Variants in TRPC6 observed in about 807,000 individuals in gnomAD.
TRPC6 encodes short transient receptor potential channel 6.
A neutral mutation model predicts 90.7 loss-of-function variants in TRPC6; 55 were observed. That is an observed-to-expected ratio of 0.61 (90% CI 0.49 to 0.76). The LOEUF (loss-of-function observed/expected upper bound fraction) is 0.76. Among genes scored for constraint, TRPC6 ranks in the 30% least tolerant of loss-of-function variants. The probability of loss-of-function intolerance (pLI) is 0.00; values close to 1 mark genes in which losing one functional copy is unlikely to be tolerated. For synonymous variants in TRPC6, 393 were observed against 393.0 expected (o/e 1.00, Z 0.00); for missense variants, 989 against 1,122.7 (o/e 0.88, Z 1.70).
At chr11:101,500,909 T>C (rs572779236) in intron 2 of TRPC6, among the ~76,000 whole-genome samples, 1 of 152,262 alleles carries the variant, frequency 6.6e-6, no homozygotes, top group South Asian at 2.1e-4. Flanking sequence ...CCTTTGCATA[T>C]ATCTGAAGGA....
intron 4 of TRPC6, among the ~76,000 whole-genome samples, chr11:101,485,119 C>T (rs1434909672): frequency 9.7e-6 from 1 of 103,616 alleles, no homozygotes; most frequent in African/African-American, 4.2e-5. Context: ...TACAGAGGGC[C>T]AAAGAATACA....
chr11:101,515,562 TGAAAA>T (rs930959985), intron 1 of TRPC6, among the ~76,000 whole-genome samples: 1 of 152,000 alleles, frequency 6.6e-6, no homozygotes, highest in Non-Finnish European at 1.5e-5. Flanking sequence ...AAAAGCAACA[TGAAAA>T]GAAAAACGAA....
intron 1 of TRPC6, among the ~76,000 whole-genome samples, chr11:101,517,436 T>A (rs923806215): frequency 1.3e-5 from 2 of 152,256 alleles, no homozygotes; most frequent in African/African-American, 4.8e-5. Flanking sequence ...TTTATTCCTA[T>A]GCTAGTAAAT....
intron 10 of TRPC6, among the ~76,000 whole-genome samples, chr11:101,462,474 C>G (rs1251341554): frequency 6.6e-6 from 1 of 152,180 alleles, no homozygotes; most frequent in Non-Finnish European, 1.5e-5. Flanking sequence ...TTTAAGTCGT[C>G]TCTTATTTCC....
At chr11:101,509,274 T>A (rs911301331) in intron 1 of TRPC6, among the ~76,000 whole-genome samples, 11 of 151,782 alleles carry the variant, frequency 7.2e-5, no homozygotes, top group Non-Finnish European at 1.5e-4. Flanking sequence ...AATTTTTGTA[T>A]TTTTTTTATA....
chr11:101,578,958 T>TATTAAATTAA (rs1862131461), intron 1 of TRPC6, among the ~76,000 whole-genome samples: 1 of 152,162 alleles, frequency 6.6e-6, no homozygotes. Context: ...ATTTAAATGA[T>TATTAAATTAA]ATGTTTAAAT....
chr11:101,568,553 C>T (rs1164917964), intron 1 of TRPC6, among the ~76,000 whole-genome samples: 1 of 152,062 alleles, frequency 6.6e-6, no homozygotes, highest in African/African-American at 2.4e-5. Flanking sequence ...CACCAAGACA[C>T]ATAATCGTCA....
intron 1 of TRPC6, among the ~76,000 whole-genome samples, chr11:101,540,388 T>C (rs7112388): frequency 0.057 from 8,729 of 152,328 alleles, 565 homozygotes; most frequent in African/African-American, 0.16. Flanking sequence ...TTTTAATTTT[T>C]CTTAAAGACA....
chr11:101,456,069 A>C (rs994252350), intron 10 of TRPC6, among the ~76,000 whole-genome samples: 1 of 152,150 alleles, frequency 6.6e-6, no homozygotes, highest in Non-Finnish European at 1.5e-5. Flanking sequence ...CACTCTAAAA[A>C]TTTTAGTGTC....
rs1240648316 is a variant in TRPC6 at position 101,464,698 on chromosome 11, A to T, written c.2484+4729T>A. The stretch of plus-strand genomic sequence containing the variant: ...GCCTATGTGTGTCTTTGCATGTGAG[A>T]TGGGTCTCCTGAATACAGCATGCTG... On this transcript the variant is annotated intron_variant, in intron 10 of 12. Transcript: ENST00000344327. Among the ~76,000 whole-genome samples the T allele has an allele frequency of 2.6e-5, 4 of 151,918 alleles. No individual in the cohort carries two copies. In the East Asian group the frequency reaches 5.8e-4, roughly 22 times the overall value.
chr11:101,583,461 G>A lies in TRPC6; in HGVS notation c.43C>T (p.Pro15Ser), dbSNP rs3802829. The A allele has an allele frequency of 0.098, 150,811 of 1,531,530 alleles. 8,033 individuals carry two copies. The highest frequency in any genetic ancestry group is 0.13 in the East Asian group (5,020 of 40,006). The allele number at this position is 1,531,530 out of a possible 1,614,324, so 94.9% of individuals were successfully genotyped here. A position where few individuals can be genotyped will look rare whatever the true frequency, so the allele number is the denominator to read the frequency against. Residue 15 changes from proline (P) to serine (S), a missense_variant, in exon 1 of 13, where the codon CCC becomes TCC. Physicochemically the swap from Pro to Ser is moderately conservative, Grantham distance 74. This residue lies in a region of TRPC6 where 194 missense variants were observed against 136.5 expected (regional missense o/e 1.42). Transcript: ENST00000344327. ...PAFGPRRGSS[P>S]RGAAGAAARR... ...GCAGCGGCTCCGGCAGCGCCCCGGG[G>A]AGAACTGCCCCTCCGGGGCCCGAAC...
At chr11:101,572,848 G>A (rs1188043825) in intron 1 of TRPC6, among the ~76,000 whole-genome samples, 1 of 152,020 alleles carries the variant, frequency 6.6e-6, no homozygotes, top group African/African-American at 2.4e-5. Context: ...TCACACACTG[G>A]GGCCTTTCAG....
intron 10 of TRPC6, among the ~76,000 whole-genome samples, chr11:101,456,437 G>A (rs964665494): frequency 1.3e-5 from 2 of 152,162 alleles, no homozygotes; most frequent in Non-Finnish European, 2.9e-5. Context: ...AAAAGGTGAA[G>A]ACCAGTGTGA....
At chr11:101,573,972 T>TGTGTGTGTGTGTGTGTG (rs1862021560) in intron 1 of TRPC6, among the ~76,000 whole-genome samples, 1 of 78,476 alleles carries the variant, frequency 1.3e-5, no homozygotes. Flanking sequence ...GTGTGTGTGT[T>TGTGTGTGTGTGTGTGTG]GAGAAGGGTG....
intron 1 of TRPC6, among the ~76,000 whole-genome samples, chr11:101,564,710 GA>G (rs1473392238): frequency 1.3e-5 from 2 of 151,892 alleles, no homozygotes; most frequent in Admixed American, 6.6e-5. Context: ...CACAGAAATA[GA>G]AAAAAATTCT....
At chr11:101,567,855 C>G (rs1033846861) in intron 1 of TRPC6, among the ~76,000 whole-genome samples, 1 of 152,180 alleles carries the variant, frequency 6.6e-6, no homozygotes, top group Non-Finnish European at 1.5e-5. Flanking sequence ...TCACAGACCC[C>G]TTCCAAAGGT....
intron 9 of TRPC6, 93 bp from the exon 10 acceptor site, chr11:101,469,594 C>T: frequency 3.1e-6 from 2 of 653,642 alleles, no homozygotes; most frequent in Admixed American, 2.4e-5. Flanking sequence ...AATTCTCCAA[C>T]AAGTTTTAAT....
At chr11:101,502,478 A>C (rs1224133249) in intron 2 of TRPC6, among the ~76,000 whole-genome samples, 1 of 152,238 alleles carries the variant, frequency 6.6e-6, no homozygotes, top group Non-Finnish European at 1.5e-5. Flanking sequence ...TGAACAAATA[A>C]AGAATATAAT....
At chr11:101,579,003 T>C (rs1054853723) in intron 1 of TRPC6, among the ~76,000 whole-genome samples, 3 of 152,116 alleles carry the variant, frequency 2.0e-5, no homozygotes, top group Non-Finnish European at 4.4e-5. Context: ...AATATTGGTA[T>C]ACTTCATAAA....
Sources: gnomAD v4.1 joint callset for allele counts (sites outside exome capture counted in the v4.1 genomes callset) on GRCh38, gnomAD v4.1.1 for gene constraint, gnomAD v4.1.1 regional missense constraint, MANE v1.5 for transcripts, NCBI Gene and HGNC (gene_info 2026-07-23, HGNC 2026-07-21) for gene names.